Variants in WARS2 observed in about 807,000 individuals in gnomAD.
WARS2 encodes tryptophanyl tRNA synthetase 2, mitochondrial, also known as tryptophan--tRNA ligase, mitochondrial.
In WARS2, 28 loss-of-function variants were observed where a neutral mutation model predicts 36.5. The ratio of observed to expected loss-of-function variants is 0.77; its 90% CI spans 0.57 to 1.05. WARS2 has a LOEUF of 1.05. Ranked by LOEUF, WARS2 falls within the 50% of genes least tolerant of loss-of-function variation. The pLI is 0.00. For synonymous variants in WARS2, 174 were observed against 178.4 expected (o/e 0.98, Z 0.20); for missense variants, 435 against 456.8 (o/e 0.95, Z 0.44).
chr1:119,033,145 C>G lies in WARS2; in HGVS notation c.849G>C (p.Thr283=), dbSNP rs772131113. ...GCACCACTTCCTCCACGGAGAGCCCCGTCACCGCGGCATGCACCGCCACTA... is the reference window on the plus strand; with the variant it reads ...GCACCACTTCCTCCACGGAGAGCCCGGTCACCGCGGCATGCACCGCCACTA... The part of the protein sequence containing the change: ...SNIVAVHAAV[T]GLSVEEVVRR... Residue 283 remains threonine (T), a synonymous_variant, in exon 6 of 6, where the codon ACG becomes ACC. Coordinates refer to ENST00000235521, the MANE Select transcript of WARS2 (RefSeq NM_015836.4). 9 of 1,614,048 alleles carry G rather than the reference C, an allele frequency of 5.6e-6. No homozygotes were observed. The highest frequency in any genetic ancestry group is 1.3e-5 in the African/African-American group (1 of 74,952).
At chr1:119,110,008 A>C (rs1654520350) in intron 1 of WARS2, among the ~76,000 whole-genome samples, 1 of 151,964 alleles carries the variant, frequency 6.6e-6, no homozygotes, top group Non-Finnish European at 1.5e-5. Flanking sequence ...ACAAATACCT[A>C]GTAATAACAA....
chr1:119,091,529 T>A (rs1020593332), intron 1 of WARS2, among the ~76,000 whole-genome samples: 3 of 152,220 alleles, frequency 2.0e-5, no homozygotes, highest in Admixed American at 6.5e-5. Context: ...TTCACTAGAA[T>A]GTATGGCCTA....
intron 1 of WARS2, chr1:119,082,541 T>C (rs1652278803): frequency 3.3e-5 from 24 of 717,172 alleles, no homozygotes; most frequent in South Asian, 6.3e-5. Context: ...GAGTCAGATC[T>C]GGATCTGAGC....
intron 3 of WARS2, among the ~76,000 whole-genome samples, 167 bp downstream of exon 3, chr1:119,045,415 T>C (rs1447351031): frequency 6.6e-6 from 1 of 152,120 alleles, no homozygotes; most frequent in African/African-American, 2.4e-5. Context: ...TCTTGGAAAA[T>C]CCTTTTATTT....
rs377753764 is a variant in WARS2, at chr1:119,049,229, GT to G, written c.349-3568del. 2.0e-4 allele frequency among the ~76,000 whole-genome samples: 31 copies of G among 152,298 alleles called. No individual in the cohort carries two copies. In the East Asian group the frequency reaches 4.2e-3, roughly 21 times the overall value. On this transcript the variant is annotated intron_variant, in intron 2 of 5. Transcript: ENST00000235521. Reference sequence around the variant, plus strand: ...CCACTGACGGGCGGAACGACATGGGGTTTGTCTGGGGCAGTCGGAGGACAAC... The same window carrying G: ...CCACTGACGGGCGGAACGACATGGGGTTGTCTGGGGCAGTCGGAGGACAAC...
At chr1:119,121,696 C>T (rs865855113) in intron 1 of WARS2, among the ~76,000 whole-genome samples, 6 of 151,932 alleles carry the variant, frequency 3.9e-5, no homozygotes, top group African/African-American at 9.7e-5. Flanking sequence ...AAAACAGGCA[C>T]GTAGTACAAT....
chr1:119,062,539 GTA>G (rs1373178263), intron 2 of WARS2, among the ~76,000 whole-genome samples: 4 of 151,988 alleles, frequency 2.6e-5, no homozygotes, highest in African/African-American at 9.7e-5. Context: ...TACAAAAGTT[GTA>G]TGATTGATAT....
intron 5 of WARS2, 128 bp downstream of exon 5, chr1:119,033,967 A>G (rs531612439): frequency 7.8e-5 from 54 of 688,090 alleles, no homozygotes; most frequent in Middle Eastern, 3.5e-4. Flanking sequence ...TGAGGACTCT[A>G]GTTACAGATC....
intron 2 of WARS2, among the ~76,000 whole-genome samples, chr1:119,066,885 CATAT>C (rs1023602889): frequency 1.3e-5 from 2 of 152,102 alleles, no homozygotes; most frequent in Non-Finnish European, 2.9e-5. Flanking sequence ...TACTCTTAGG[CATAT>C]ATTAATACAG....
intron 2 of WARS2, among the ~76,000 whole-genome samples, chr1:119,048,292 A>G (rs545104400): frequency 1.6e-4 from 25 of 152,348 alleles, no homozygotes; most frequent in African/African-American, 5.5e-4. Flanking sequence ...GACTCTGTGT[A>G]AGTGATTTAA....
chr1:119,042,667 G>T (rs1648471075), intron 3 of WARS2, among the ~76,000 whole-genome samples: 2 of 152,112 alleles, frequency 1.3e-5, no homozygotes, highest in South Asian at 4.2e-4. Flanking sequence ...ATAAATTCCA[G>T]ATTTCACAGA....
intron 1 of WARS2, among the ~76,000 whole-genome samples, chr1:119,098,426 T>G (rs587674579): frequency 6.6e-6 from 1 of 152,260 alleles, no homozygotes; most frequent in African/African-American, 2.4e-5. Context: ...TTCCTGATAT[T>G]TATTTTATTT....
chr1:119,093,673 C>T (rs141493139), intron 1 of WARS2, among the ~76,000 whole-genome samples: 1 of 152,202 alleles, frequency 6.6e-6, no homozygotes, highest in Non-Finnish European at 1.5e-5. Context: ...GCATGCCCTG[C>T]CAACACCTCA....
intron 1 of WARS2, among the ~76,000 whole-genome samples, chr1:119,095,856 T>C (rs1653404205): frequency 2.0e-5 from 3 of 152,332 alleles, no homozygotes; most frequent in Non-Finnish European, 4.4e-5. Context: ...ACCAAGGAAG[T>C]GTCAGTATTG....
intron 1 of WARS2, among the ~76,000 whole-genome samples, chr1:119,121,724 C>T (rs142236542): frequency 6.8e-4 from 103 of 152,066 alleles, no homozygotes; most frequent in Non-Finnish European, 9.6e-4. Context: ...AATAGAGAAC[C>T]CAGAAATAAA....
chr1:119,075,025 T>A (rs1651617685), intron 2 of WARS2, among the ~76,000 whole-genome samples: 1 of 152,116 alleles, frequency 6.6e-6, no homozygotes, highest in Admixed American at 6.6e-5. Context: ...AAAAATCACC[T>A]ATTGAGTACA....
At chr1:119,084,949 A>G in intron 1 of WARS2, 1 of 408,708 alleles carries the variant, frequency 2.4e-6, no homozygotes, top group Non-Finnish European at 4.6e-6. Context: ...ATTTGACTGC[A>G]TTTAAAAAAC....
At chr1:119,085,929 A>G (rs587690453) in intron 1 of WARS2, 1 of 1,610,510 alleles carries the variant, frequency 6.2e-7, no homozygotes, top group African/African-American at 1.3e-5. Flanking sequence ...CTCATTGATC[A>G]GCTTCACCTT....
At chr1:119,139,575 A>G (rs1043131442) in intron 1 of WARS2, 1 of 152,258 alleles carries the variant, frequency 6.6e-6, no homozygotes, top group African/African-American at 2.4e-5. Flanking sequence ...CAAGTGGCAG[A>G]CCAAACCCTT....
Sources: gnomAD v4.1 joint callset for allele counts (sites outside exome capture counted in the v4.1 genomes callset) on GRCh38, gnomAD v4.1.1 for gene constraint, MANE v1.5 for transcripts, NCBI Gene and HGNC (gene_info 2026-07-23, HGNC 2026-07-21) for gene names.